FGD6: variants seen among roughly 807,000 people sequenced by gnomAD.
The protein encoded by FGD6 is FYVE, RhoGEF and PH domain containing 6, also known as FYVE, RhoGEF and PH domain-containing protein 6.
FGD6 carries 90 observed loss-of-function variants against 149.4 expected under a neutral mutation model. The ratio of observed to expected loss-of-function variants is 0.60; its 90% CI spans 0.51 to 0.72. The LOEUF (loss-of-function observed/expected upper bound fraction) is 0.72. Ranked by LOEUF, FGD6 falls within the 30% of genes least tolerant of loss-of-function variation. The pLI, the probability that FGD6 is intolerant of heterozygous loss-of-function variation, is 0.00. For synonymous variants in FGD6, 527 were observed against 584.0 expected, an observed-to-expected ratio of 0.90 and a Z score of 1.41; for missense variants, 1,437 against 1,684.8, an observed-to-expected ratio of 0.85 and a Z score of 2.57.
intron 3 of FGD6, among the ~76,000 whole-genome samples, chr12:95,162,180 T>C (rs774297276): frequency 5.4e-5 from 8 of 149,000 alleles, no homozygotes; most frequent in African/African-American, 7.4e-5. Context: ...GGTAGGAGGA[T>C]CACATGAGCC....
intron 2 of FGD6, among the ~76,000 whole-genome samples, chr12:95,201,977 CA>C (rs2056665041): frequency 2.0e-5 from 3 of 151,480 alleles, no homozygotes; most frequent in African/African-American, 7.3e-5. Context: ...CACACACACA[CA>C]CACACACACA....
intron 1 of FGD6, among the ~76,000 whole-genome samples, chr12:95,216,715 C>T (rs2056803813): frequency 6.8e-6 from 1 of 147,484 alleles, no homozygotes; most frequent in African/African-American, 2.5e-5. Context: ...AACTCCTCTG[C>T]TTCTCAGGTA....
At position 95,183,677 on chromosome 12, in the gene FGD6, A is replaced by T. The variant is rs148064526; in HGVS notation, c.2442-10933T>A. 1.3e-3 allele frequency among the ~76,000 whole-genome samples: 191 copies of T among 152,278 alleles called. 2 individuals carry two copies. The highest frequency in any genetic ancestry group is 3.5e-3 in the South Asian group (17 of 4,822). On this transcript the variant is annotated intron_variant, in intron 2 of 20. Coordinates refer to ENST00000343958, the MANE Select transcript of FGD6 (RefSeq NM_018351.4). Reference sequence around the variant, plus strand: ...AACACATGGAGATCCCATCTCTACAAAACATAAAAAATTAGCCAAGTATGG... The same window carrying T: ...AACACATGGAGATCCCATCTCTACATAACATAAAAAATTAGCCAAGTATGG...
chr12:95,209,819 C>A lies in FGD6; in HGVS notation c.1465G>T (p.Glu489Ter). 6.2e-7 allele frequency: 1 copy of A among 1,609,766 alleles called. No homozygotes were observed. The highest frequency in any genetic ancestry group is 8.5e-7 in the Non-Finnish European group (1 of 1,179,036). ...TTGGGGACAATTCGTAGAGAATTTT[C>A]CTCTTTTATAACAGATTCCTTTTGC... ...QMQKESVIKE[E>*]NSLRIVPKKP... Residue 489 changes from glutamate (E) to a stop codon, truncating the protein, a stop_gained, in exon 2 of 21, where the codon GAA (glutamate) becomes TAA (stop). Coordinates refer to ENST00000343958, the MANE Select transcript of FGD6 (RefSeq NM_018351.4). LOFTEE classifies it high-confidence loss of function.
intron 2 of FGD6, among the ~76,000 whole-genome samples, chr12:95,173,548 T>C (rs1215449028): frequency 6.6e-6 from 1 of 152,168 alleles, no homozygotes; most frequent in African/African-American, 2.4e-5. Context: ...ATAGATCTCA[T>C]GAATCTAAAA....
In FGD6 at chr12:95,217,300, C is replaced by T; in HGVS notation, c.-60G>A. On this transcript the variant is annotated 5_prime_UTR_variant, in exon 1 of 21. Coordinates refer to ENST00000343958, the MANE Select transcript of FGD6 (RefSeq NM_018351.4). ...CCTCAATCCATCTTCCCCTTTCAGT[C>T]CATTGTTCCCACAGTTCGGGTAGGA... 1 of 1,566,902 alleles carries T rather than the reference C, an allele frequency of 6.4e-7. No individual in the cohort carries two copies. The highest frequency in any genetic ancestry group is 8.7e-7 in the Non-Finnish European group (1 of 1,150,602).
At chr12:95,204,729 C>CAT (rs2056684945) in intron 2 of FGD6, among the ~76,000 whole-genome samples, 1 of 152,172 alleles carries the variant, frequency 6.6e-6, no homozygotes, top group South Asian at 2.1e-4. Flanking sequence ...CACACACATA[C>CAT]ACAGTCAGAG....
At chr12:95,179,170 G>A (rs1352392621) in intron 2 of FGD6, among the ~76,000 whole-genome samples, 1 of 152,004 alleles carries the variant, frequency 6.6e-6, no homozygotes, top group South Asian at 2.1e-4. Flanking sequence ...AAGTAATTAC[G>A]AGGATTCTTA....
chr12:95,142,452 A>G (rs1294570597), intron 5 of FGD6, among the ~76,000 whole-genome samples: 1 of 151,588 alleles, frequency 6.6e-6, no homozygotes, highest in Non-Finnish European at 1.5e-5. Context: ...CCATTTTTCT[A>G]TTTTTTGTAG....
intron 2 of FGD6, among the ~76,000 whole-genome samples, chr12:95,201,102 A>C (rs559044672): frequency 6.6e-6 from 1 of 152,154 alleles, no homozygotes. Context: ...ATGAATTTTT[A>C]AAAAATGTCT....
chr12:95,211,091 G>C lies in FGD6; in HGVS notation c.193C>G (p.Arg65Gly), dbSNP rs925216451. ...KPKVLKTSPV[R>G]EIGQSPSRKI... is the part of the protein sequence containing the mutation. ...CTTGATGGCGACTGCCCAATCTCTC[G>C]AACAGGTGAGGTCTTCAGGACTTTT... The change falls in exon 2 of 21, where the codon CGA becomes GGA. Residue 65 changes from arginine to glycine, a missense_variant. By Grantham distance (125) the Arg-to-Gly change is moderately radical (BLOSUM62 -2). Around this residue, in one of 2 missense-constraint regions of FGD6, gnomAD observed 1,055 missense variants for 1,146.0 expected, o/e 0.92. Transcript: ENST00000343958. 6.2e-7 allele frequency: 1 copy of C among 1,614,156 alleles called. No individual in the cohort carries two copies. The highest frequency in any genetic ancestry group is 1.6e-4 in the Middle Eastern group (1 of 6,062).
Position 95,141,448 on chromosome 12 carries a change from G to A in FGD6, c.2777C>T (p.Pro926Leu). ...ATCCCGGTTGAGCTCATACAGCTGA[G>A]GCAAGTAGTATAGGATCTGATTTAG... ...RILNQILYYLPQLYELNRDLL... is the reference protein window; with the variant it reads ...RILNQILYYLLQLYELNRDLL... The change falls in exon 6 of 21, where the codon CCT becomes CTT. Residue 926 changes from proline (P) to leucine (L), a missense_variant. Physicochemically the swap from Pro to Leu is moderately conservative, Grantham distance 98. Transcript: ENST00000343958. 1 of 1,614,078 alleles carries A rather than the reference G, an allele frequency of 6.2e-7. No individual in the cohort carries two copies. Among genetic ancestry groups the A allele is most frequent in the Non-Finnish European group, 8.5e-7 (1 of 1,180,020 alleles).
chr12:95,096,366 T>C (rs183755846), intron 14 of FGD6, among the ~76,000 whole-genome samples: 1 of 152,324 alleles, frequency 6.6e-6, no homozygotes, highest in Admixed American at 6.5e-5. Flanking sequence ...AGAATGTTCA[T>C]TCATGTGGAT....
At chr12:95,215,444 T>C (rs1221531344) in intron 1 of FGD6, among the ~76,000 whole-genome samples, 2 of 152,218 alleles carry the variant, frequency 1.3e-5, no homozygotes, top group East Asian at 3.8e-4. Context: ...GTAAGAACTA[T>C]GTATACATAT....
chr12:95,205,971 G>A (rs2056691076), intron 2 of FGD6, among the ~76,000 whole-genome samples: 1 of 152,156 alleles, frequency 6.6e-6, no homozygotes, highest in African/African-American at 2.4e-5. Context: ...CTGGTTTCCT[G>A]TGGCCTCCAG....
intron 1 of FGD6, among the ~76,000 whole-genome samples, chr12:95,212,810 T>A (rs929788655): frequency 4.6e-5 from 7 of 151,664 alleles, no homozygotes; most frequent in Admixed American, 1.3e-4. Context: ...TGAGTTTTTT[T>A]AAAAAAAAGA....
At chr12:95,187,345 C>A (rs1300159818) in intron 2 of FGD6, among the ~76,000 whole-genome samples, 12 of 129,236 alleles carry the variant, frequency 9.3e-5, no homozygotes, top group South Asian at 2.6e-4. Context: ...AAAAAAAAAA[C>A]AAGTTACTTC....
rs1032482946 is a variant in FGD6, at chr12:95,081,681, A to G, written c.4257-125T>C. On this transcript the variant is annotated intron_variant, in intron 20 of 20. Coordinates refer to ENST00000343958, the MANE Select transcript of FGD6 (RefSeq NM_018351.4). The stretch of plus-strand genomic sequence containing the variant: ...CAACATAGGTAAGATATATATATAT[A>G]TGTATTTTTTTTTTTTTTTTGAGAC... 2.9e-5 allele frequency: 9 copies of G among 307,502 alleles called. No homozygotes were observed. The East Asian group carries it at 4.8e-4, about 17-fold the overall frequency. The allele number at this position is 307,502 out of a possible 1,614,324, so 19.0% of individuals were successfully genotyped here.
chr12:95,158,163 CTTTTTTTTTTTT>C (rs11294901), intron 3 of FGD6, among the ~76,000 whole-genome samples: 1 of 81,470 alleles, frequency 1.2e-5, no homozygotes, highest in African/African-American at 5.2e-5. Context: ...CATTCACTCA[CTTTTTTTTTTTT>C]TTTTTTTTTT....
Sources: gnomAD v4.1 joint callset for allele counts (sites outside exome capture counted in the v4.1 genomes callset) on GRCh38, gnomAD v4.1.1 for gene constraint, gnomAD v4.1.1 regional missense constraint, MANE v1.5 for transcripts, NCBI Gene and HGNC (gene_info 2026-07-23, HGNC 2026-07-21) for gene names.